The following ATF1 variants were observed in gnomAD, a reference collection of about 807,000 sequenced individuals.
ATF1 encodes the protein cyclic AMP-dependent transcription factor ATF-1.
ATF1 carries 16 observed loss-of-function variants against 34.7 expected under a neutral mutation model. That is an observed-to-expected ratio of 0.46 (90% confidence interval 0.31 to 0.70). The LOEUF (loss-of-function observed/expected upper bound fraction) is 0.70, where lower values mean the gene tolerates loss of function less well. Among genes scored for constraint, ATF1 ranks in the 30% least tolerant of loss-of-function variants. The pLI, the probability that ATF1 is intolerant of heterozygous loss-of-function variation, is 0.05. For synonymous variants in ATF1, 105 were observed against 113.1 expected (o/e 0.93, Z 0.46); for missense variants, 255 against 321.6 (o/e 0.79, Z 1.58).
chr12:50,778,742 C>T (rs1222440884), intron 1 of ATF1, among the ~76,000 whole-genome samples: 1 of 152,162 alleles, frequency 6.6e-6, no homozygotes, highest in African/African-American at 2.4e-5. Flanking sequence ...TGCTTGCCAC[C>T]ACCCCTGGCT....
chr12:50,770,714 A>G (rs980898982), intron 1 of ATF1, among the ~76,000 whole-genome samples: 2 of 152,242 alleles, frequency 1.3e-5, no homozygotes, highest in African/African-American at 4.8e-5. Flanking sequence ...TTCAAAAACT[A>G]TGGTACACTT....
intron 1 of ATF1, 56 bp downstream of exon 1, chr12:50,764,363 G>A (rs1940569835): frequency 6.6e-6 from 1 of 151,084 alleles, no homozygotes; most frequent in Admixed American, 6.6e-5. Context: ...AAGGACGCGG[G>A]AACGTGGCGC....
chr12:50,770,904 C>A (rs1940753917), intron 1 of ATF1, among the ~76,000 whole-genome samples: 2 of 152,236 alleles, frequency 1.3e-5, no homozygotes. Flanking sequence ...AATCAGCTAA[C>A]AACCCGATAT....
At chr12:50,784,330 A>G (rs948078574) in intron 2 of ATF1, among the ~76,000 whole-genome samples, 1 of 152,206 alleles carries the variant, frequency 6.6e-6, no homozygotes, top group Non-Finnish European at 1.5e-5. Context: ...CATGGAGACA[A>G]ATAAAGCAGG....
chr12:50,813,307 G>A (rs1941775446), intron 4 of ATF1, among the ~76,000 whole-genome samples: 1 of 152,090 alleles, frequency 6.6e-6, no homozygotes, highest in Non-Finnish European at 1.5e-5. Context: ...TTAATAACAT[G>A]TAATACATTT....
intron 6 of ATF1, among the ~76,000 whole-genome samples, chr12:50,819,235 T>C (rs566737785): frequency 6.6e-6 from 1 of 152,306 alleles, no homozygotes; most frequent in Admixed American, 6.5e-5. Context: ...CAAACCCCCA[T>C]GCAGCAACAT....
At chr12:50,793,572 G>T (rs1408728039) in intron 2 of ATF1, among the ~76,000 whole-genome samples, 1 of 150,516 alleles carries the variant, frequency 6.6e-6, no homozygotes, top group Non-Finnish European at 1.5e-5. Context: ...GGCAGAAGCT[G>T]CAGTGAGCCA....
chr12:50,805,611 C>T (rs1023483119), intron 3 of ATF1, among the ~76,000 whole-genome samples: 4 of 150,468 alleles, frequency 2.7e-5, no homozygotes, highest in Admixed American at 2.7e-4. Flanking sequence ...CCATTGTGAC[C>T]AAATGGTTCT....
chr12:50,780,377 T>C, intron 2 of ATF1, 139 bp downstream of exon 2: 1 of 697,610 alleles, frequency 1.4e-6, no homozygotes, highest in Non-Finnish European at 2.3e-6. Context: ...AGATTTTTGC[T>C]CTAGTTGCCC....
chr12:50,800,793 A>G (rs1344196847), intron 3 of ATF1, among the ~76,000 whole-genome samples: 1 of 152,176 alleles, frequency 6.6e-6, no homozygotes, highest in Non-Finnish European at 1.5e-5. Context: ...AGGGTTGGGA[A>G]CTGCTGCTTT....
Position 50,814,312 on chromosome 12 carries a change from C to T in ATF1, c.544C>T (p.Arg182Ter). 1 of 1,614,110 alleles carries T rather than the reference C, an allele frequency of 6.2e-7. No homozygotes were observed. The highest frequency in any genetic ancestry group is 8.5e-7 in the Non-Finnish European group (1 of 1,180,012). ...ASGDMQTYQI[R>*]TTPSATSLPQ... Reference sequence around the variant, plus strand: ...AGGAGATATGCAAACATATCAGATCCGAACTACACCTTCAGCTACTTCTCT... The same window carrying T: ...AGGAGATATGCAAACATATCAGATCTGAACTACACCTTCAGCTACTTCTCT... Residue 182 changes from arginine (R) to a stop codon, truncating the protein, a stop_gained, in exon 6 of 7, where the codon CGA becomes TGA. Transcript: ENST00000262053. LOFTEE classifies it high-confidence loss of function.
At chr12:50,788,325 G>C (rs766596058) in intron 2 of ATF1, 3 of 414,630 alleles carry the variant, frequency 7.2e-6, no homozygotes, top group South Asian at 5.1e-5. Context: ...AGGGACCACA[G>C]GTGTGTGCCA....
At chr12:50,773,026 G>C (rs1380424623) in intron 1 of ATF1, among the ~76,000 whole-genome samples, 1 of 152,168 alleles carries the variant, frequency 6.6e-6, no homozygotes, top group Non-Finnish European at 1.5e-5. Flanking sequence ...AGTGTTTGAT[G>C]TTCTGTTCCT....
At chr12:50,794,564 C>CA (rs879750322) in intron 2 of ATF1, among the ~76,000 whole-genome samples, 255 of 139,804 alleles carry the variant, frequency 1.8e-3, no homozygotes, top group Middle Eastern at 3.8e-3. Flanking sequence ...TACTCCATCT[C>CA]AAAAAAAAAA....
intron 3 of ATF1, among the ~76,000 whole-genome samples, chr12:50,800,823 G>C (rs559588598): frequency 5.9e-5 from 9 of 152,290 alleles, no homozygotes; most frequent in African/African-American, 1.9e-4. Context: ...TTGATGGCTG[G>C]GCGCGGTGGC....
At chr12:50,772,442 T>C (rs1217368077) in intron 1 of ATF1, among the ~76,000 whole-genome samples, 1 of 151,518 alleles carries the variant, frequency 6.6e-6, no homozygotes, top group Non-Finnish European at 1.5e-5. Context: ...TTCTCCTTCC[T>C]CAGCCTCCCA....
intron 2 of ATF1, among the ~76,000 whole-genome samples, chr12:50,783,636 G>A (rs1393245290): frequency 1.3e-5 from 2 of 152,060 alleles, no homozygotes; most frequent in East Asian, 1.9e-4. Context: ...TTGGGAGGCC[G>A]AGGCGGGTAG....
At chr12:50,788,347 T>C (rs1565907192) in intron 2 of ATF1, 3 of 375,522 alleles carry the variant, frequency 8.0e-6, no homozygotes, top group South Asian at 5.8e-5. Flanking sequence ...CACATCCGGC[T>C]AAACTTTTTG....
intron 1 of ATF1, among the ~76,000 whole-genome samples, chr12:50,771,006 TTTTC>T (rs1360599958): frequency 1.3e-5 from 2 of 152,118 alleles, no homozygotes; most frequent in Admixed American, 6.5e-5. Flanking sequence ...ACTCTTTTTT[TTTTC>T]TTTCTTTCTT....
Sources: gnomAD v4.1 joint callset for allele counts (sites outside exome capture counted in the v4.1 genomes callset) on GRCh38, gnomAD v4.1.1 for gene constraint, MANE v1.5 for transcripts, NCBI Gene and HGNC (gene_info 2026-07-23, HGNC 2026-07-21) for gene names.